Variants in NCOA2 observed in about 807,000 individuals in gnomAD.
NCOA2 encodes nuclear receptor coactivator 2, also known as class E basic helix-loop-helix protein 75.
NCOA2 carries 21 observed loss-of-function variants against 145.1 expected under a neutral mutation model. That is an observed-to-expected ratio of 0.14 (90% confidence interval 0.10 to 0.21). NCOA2 has a LOEUF of 0.21. Ranked by LOEUF, NCOA2 falls within the 10% of genes least tolerant of loss-of-function variation. The pLI is 1.00. For missense variants in NCOA2, 1,472 were observed against 1,837.6 expected (o/e 0.80, Z 3.64); for synonymous variants, 619 against 637.5 (o/e 0.97, Z 0.44).
chr8:70,414,389 G>T, the NCOA2 span, among the ~76,000 whole-genome samples: 4 of 151,926 alleles, frequency 2.6e-5, no homozygotes, highest in Non-Finnish European at 5.9e-5. Context: ...TATCACCATT[G>T]CCTCATATGT....
At chr8:70,237,868 A>G (rs1294693642) in intron 2 of NCOA2, among the ~76,000 whole-genome samples, 1 of 152,002 alleles carries the variant, frequency 6.6e-6, no homozygotes, top group Admixed American at 6.6e-5. Flanking sequence ...CACACTTGCC[A>G]TTAGGTTGAA....
rs145591913 is a variant in NCOA2 at position 70,273,780 on chromosome 8, G to A, written c.-20+22964C>T. 1,181 of 589,464 alleles carry A rather than the reference G, an allele frequency of 2.0e-3. 11 individuals carry two copies. Among genetic ancestry groups the A allele is most frequent in the South Asian group, 6.7e-3 (489 of 73,030 alleles). 36.5% of individuals were successfully genotyped at this position (589,464 alleles called of 1,614,324 possible). ...ACCACTTACTACTGGAGAGAATGAT[G>A]ATGATGAAGTTCCAGATCTTGTGGA... On this transcript the variant is annotated intron_variant, in intron 2 of 22. Transcript: ENST00000452400.
At chr8:70,434,676 T>A in the NCOA2 span, among the ~76,000 whole-genome samples, 1 of 152,156 alleles carries the variant, frequency 6.6e-6, no homozygotes, top group South Asian at 2.1e-4. Flanking sequence ...TCACGTGATC[T>A]TCTTGCCTCA....
chr8:70,300,018 C>T (rs1220741870), intron 1 of NCOA2, among the ~76,000 whole-genome samples: 2 of 152,138 alleles, frequency 1.3e-5, no homozygotes, highest in Non-Finnish European at 2.9e-5. Flanking sequence ...TGAAAGAAGA[C>T]TGACACAAAT....
chr8:70,387,741 A>G (rs1269138623), intron 1 of NCOA2, among the ~76,000 whole-genome samples: 3 of 152,126 alleles, frequency 2.0e-5, no homozygotes, highest in East Asian at 1.9e-4. Context: ...GACTAAGGGC[A>G]TATGTGATCC....
chr8:70,167,934 G>C (rs568201158), intron 6 of NCOA2, among the ~76,000 whole-genome samples: 7 of 152,328 alleles, frequency 4.6e-5, no homozygotes, highest in Non-Finnish European at 7.3e-5. Context: ...AGAAAAGTTG[G>C]AATCAGAATC....
At chr8:70,398,623 CA>C (rs1267395114) in intron 1 of NCOA2, among the ~76,000 whole-genome samples, 1 of 152,210 alleles carries the variant, frequency 6.6e-6, no homozygotes, top group Non-Finnish European at 1.5e-5. Flanking sequence ...GACGCCTAGT[CA>C]AAGTAAAGAT....
the NCOA2 span, among the ~76,000 whole-genome samples, chr8:70,452,363 C>T: frequency 3.3e-5 from 5 of 152,100 alleles, no homozygotes; most frequent in Non-Finnish European, 7.3e-5. Flanking sequence ...CTAATCATTA[C>T]GGAATGCAAA....
At chr8:70,121,035 T>C (rs1033755023) in intron 22 of NCOA2, among the ~76,000 whole-genome samples, 6 of 152,210 alleles carry the variant, frequency 3.9e-5, no homozygotes, top group Non-Finnish European at 7.3e-5. Flanking sequence ...ACTGTTCTTT[T>C]GTTGGCTACG....
chr8:70,389,820 C>T (rs547838694), intron 1 of NCOA2, among the ~76,000 whole-genome samples: 8 of 151,970 alleles, frequency 5.3e-5, no homozygotes, highest in African/African-American at 9.7e-5. Flanking sequence ...AGGTGCCCAC[C>T]GCACCCAGCT....
At chr8:70,209,419 T>G (rs1187224856) in intron 4 of NCOA2, among the ~76,000 whole-genome samples, 1 of 152,230 alleles carries the variant, frequency 6.6e-6, no homozygotes, top group Non-Finnish European at 1.5e-5. Flanking sequence ...GGAACAGGGT[T>G]TGAGAGGACT....
At chr8:70,183,125 A>G (rs562356361) in intron 4 of NCOA2, among the ~76,000 whole-genome samples, 1 of 152,174 alleles carries the variant, frequency 6.6e-6, no homozygotes, top group Non-Finnish European at 1.5e-5. Flanking sequence ...CCACTCACTA[A>G]AGTTTTGGAA....
chr8:70,401,098 C>G (rs1338671856), intron 1 of NCOA2, among the ~76,000 whole-genome samples: 1 of 151,034 alleles, frequency 6.6e-6, no homozygotes, highest in African/African-American at 2.5e-5. Context: ...AACACACACA[C>G]ACATACACAC....
chr8:70,342,948 A>G (rs913134690), intron 1 of NCOA2, among the ~76,000 whole-genome samples: 17 of 152,110 alleles, frequency 1.1e-4, no homozygotes, highest in African/African-American at 3.4e-4. Context: ...TAGATAGAGT[A>G]CATGAAGATA....
At chr8:70,379,098 T>C (rs1351449345) in intron 1 of NCOA2, among the ~76,000 whole-genome samples, 3 of 152,206 alleles carry the variant, frequency 2.0e-5, no homozygotes, top group African/African-American at 7.2e-5. Context: ...ATAAATCTCT[T>C]AATGTTTTAA....
chr8:70,230,455 A>C (rs1821035423), intron 2 of NCOA2, among the ~76,000 whole-genome samples: 1 of 152,226 alleles, frequency 6.6e-6, no homozygotes, highest in Admixed American at 6.5e-5. Flanking sequence ...CACTTTAAAA[A>C]GGCTGAATTT....
At chr8:70,239,223 C>T (rs2134404326) in intron 2 of NCOA2, among the ~76,000 whole-genome samples, 1 of 152,182 alleles carries the variant, frequency 6.6e-6, no homozygotes, top group Middle Eastern at 3.4e-3. Context: ...ACAGAAGGGG[C>T]CTCAAACAGG....
intron 1 of NCOA2, 111 bp downstream of exon 1, chr8:70,403,589 T>A: frequency 3.1e-6 from 1 of 317,912 alleles, no homozygotes; most frequent in Non-Finnish European, 5.7e-6. Flanking sequence ...CACGGCTCTG[T>A]CGGAGCTCGG....
rs76809412 is a variant in NCOA2, at chr8:70,113,599, G to A, written c.*33C>T. 2.8e-3 allele frequency: 4,336 copies of A among 1,550,924 alleles called. 119 individuals carry two copies. The African/African-American group carries it at 0.054, about 19-fold the overall frequency. ...GGAAGTGTTTTGAGCAAGTGAGCCC[G>A]GTCAGCTGAAGAAGCAACTGGCTTC... On this transcript the variant is annotated 3_prime_UTR_variant, in exon 23 of 23. Transcript: ENST00000452400.
Sources: gnomAD v4.1 joint callset for allele counts (sites outside exome capture counted in the v4.1 genomes callset) on GRCh38, gnomAD v4.1.1 for gene constraint, MANE v1.5 for transcripts, NCBI Gene and HGNC (gene_info 2026-07-23, HGNC 2026-07-21) for gene names.